The following TESMIN variants were observed in gnomAD, a reference collection of about 807,000 sequenced individuals.
The protein encoded by TESMIN is testis expressed metallothionein like protein.
In TESMIN, 34 loss-of-function variants were observed where a neutral mutation model predicts 47.4. The observed-to-expected ratio is 0.72, with a 90% CI of 0.55 to 0.96. The LOEUF (loss-of-function observed/expected upper bound fraction) is 0.96. Among genes scored for constraint, TESMIN ranks in the 40% least tolerant of loss-of-function variants. The pLI, the probability that TESMIN is intolerant of heterozygous loss-of-function variation, is 0.00. For synonymous variants in TESMIN, 278 were observed against 258.9 expected (o/e 1.07, Z -0.71); for missense variants, 610 against 637.2 (o/e 0.96, Z 0.46).
At chr11:68,711,793 T>A (rs574997879) in intron 8 of TESMIN, among the ~76,000 whole-genome samples, 13 of 152,264 alleles carry the variant, frequency 8.5e-5, no homozygotes, top group African/African-American at 2.6e-4. Context: ...TCCTGCTGCC[T>A]TGTGGGTGGA....
intron 5 of TESMIN, among the ~76,000 whole-genome samples, chr11:68,741,567 G>A (rs1946456867): frequency 6.6e-6 from 1 of 152,206 alleles, no homozygotes; most frequent in Non-Finnish European, 1.5e-5. Context: ...GGAGGGCGGA[G>A]TTGTGTGTTT....
intron 7 of TESMIN, among the ~76,000 whole-genome samples, chr11:68,714,231 C>G (rs1316773356): frequency 6.6e-6 from 1 of 152,208 alleles, no homozygotes; most frequent in Admixed American, 6.5e-5. Flanking sequence ...ACAGGGCCAT[C>G]GCTACAGAAT....
At chr11:68,710,644 G>T in intron 9 of TESMIN, 1 of 501,406 alleles carries the variant, frequency 2.0e-6, no homozygotes, top group Non-Finnish European at 3.5e-6. Flanking sequence ...CAGACAGTGA[G>T]GATGAGAAGA....
At chr11:68,732,248 T>TAC (rs1052638373) in intron 6 of TESMIN, among the ~76,000 whole-genome samples, 1 of 152,214 alleles carries the variant, frequency 6.6e-6, no homozygotes, top group Non-Finnish European at 1.5e-5. Context: ...CTCGTGATGG[T>TAC]ACATTCTTTC....
At chr11:68,746,503 G>A (rs1946521831) in intron 3 of TESMIN, among the ~76,000 whole-genome samples, 1 of 152,156 alleles carries the variant, frequency 6.6e-6, no homozygotes, top group South Asian at 2.1e-4. Context: ...TACAGCAAGG[G>A]CCTCATTTCT....
intron 6 of TESMIN, chr11:68,736,166 T>C: frequency 9.1e-6 from 9 of 985,324 alleles, no homozygotes; most frequent in Non-Finnish European, 1.1e-5. Context: ...ATGTTCATTA[T>C]GTTACTAAAA....
At chr11:68,705,747 G>A (rs534808423), downstream of TESMIN, among the ~76,000 whole-genome samples, 7 of 152,312 alleles carry the variant, frequency 4.6e-5, no homozygotes, top group South Asian at 1.5e-3. Context: ...TTAAGGCTGG[G>A]CGCGGTGGCT....
At chr11:68,737,033 G>A (rs910873764) in intron 6 of TESMIN, 16 of 985,292 alleles carry the variant, frequency 1.6e-5, no homozygotes, top group Non-Finnish European at 1.9e-5. Flanking sequence ...ATACAGCACA[G>A]AGGCAATACT....
At chr11:68,749,861 A>G (rs1430485018) in intron 2 of TESMIN, among the ~76,000 whole-genome samples, 1 of 152,202 alleles carries the variant, frequency 6.6e-6, no homozygotes, top group Non-Finnish European at 1.5e-5. Flanking sequence ...TCCTTAAGCC[A>G]AGGATAGCAA....
At chr11:68,726,033 G>A (rs1390842183) in intron 6 of TESMIN, among the ~76,000 whole-genome samples, 1 of 152,094 alleles carries the variant, frequency 6.6e-6, no homozygotes, top group Admixed American at 6.6e-5. Context: ...GGAGAAAGGG[G>A]GAACTATGGC....
rs1946093066 is a variant in TESMIN at position 68,713,195 on chromosome 11, T to G, written c.1158+75A>C. On this transcript the variant is annotated intron_variant, in intron 8 of 9. Transcript: ENST00000255087. Reference sequence around the variant, plus strand: ...TTTATCTTTTTAAATTACAGCAAAGTTTTTTTAACCACAAAAGTTACTCAA... The same window carrying G: ...TTTATCTTTTTAAATTACAGCAAAGGTTTTTTAACCACAAAAGTTACTCAA... The G allele has an allele frequency of 5.6e-6, 8 of 1,439,556 alleles. No homozygotes were observed. The South Asian group carries it at 1.2e-4, about 21-fold the overall frequency. The allele number at this position is 1,439,556 out of a possible 1,614,324, so 89.2% of individuals were successfully genotyped here.
chr11:68,723,785 A>G (rs1946230043), intron 6 of TESMIN, among the ~76,000 whole-genome samples: 1 of 152,192 alleles, frequency 6.6e-6, no homozygotes, highest in African/African-American at 2.4e-5. Flanking sequence ...TTGAGGATTC[A>G]ATACTTTTTA....
At chr11:68,728,599 TAGA>T (rs1423758024) in intron 6 of TESMIN, among the ~76,000 whole-genome samples, 1 of 152,086 alleles carries the variant, frequency 6.6e-6, no homozygotes, top group Non-Finnish European at 1.5e-5. Flanking sequence ...AGCCTTCTAC[TAGA>T]AGAAGATGCC....
intron 6 of TESMIN, among the ~76,000 whole-genome samples, chr11:68,719,688 T>C (rs1946182568): frequency 1.3e-5 from 2 of 152,240 alleles, no homozygotes; most frequent in African/African-American, 4.8e-5. Flanking sequence ...TATGTGGCTC[T>C]CTAAATTATA....
chr11:68,740,789 C>G (rs1417761351), intron 5 of TESMIN, among the ~76,000 whole-genome samples: 1 of 152,188 alleles, frequency 6.6e-6, no homozygotes, highest in African/African-American at 2.4e-5. Flanking sequence ...TCAACGCCAT[C>G]TATACACTAG....
intron 4 of TESMIN, among the ~76,000 whole-genome samples, chr11:68,744,060 C>T (rs1410000943): frequency 6.6e-6 from 1 of 152,176 alleles, no homozygotes; most frequent in Non-Finnish European, 1.5e-5. Context: ...GCCAAAGCTC[C>T]AACCTCAGCT....
At chr11:68,726,214 T>A (rs1946261965) in intron 6 of TESMIN, among the ~76,000 whole-genome samples, 1 of 152,088 alleles carries the variant, frequency 6.6e-6, no homozygotes, top group African/African-American at 2.4e-5. Flanking sequence ...TGGGAACAAA[T>A]GCCCTGAAAA....
chr11:68,742,268 A>C (rs747391825), intron 5 of TESMIN, 50 bp downstream of exon 5: 13 of 1,123,838 alleles, frequency 1.2e-5, no homozygotes, highest in Non-Finnish European at 7.7e-6. Context: ...TCAAAATTTT[A>C]AGAGACAATA....
In TESMIN at chr11:68,713,375, C is replaced by T; in HGVS notation, c.1053G>A (p.Gln351=). 2 of 1,614,160 alleles carry T rather than the reference C, an allele frequency of 1.2e-6. No homozygotes were observed. Among genetic ancestry groups the T allele is most frequent in the Non-Finnish European group, 1.7e-6 (2 of 1,180,032 alleles). The change falls in exon 8 of 10, where the codon CAG becomes CAA. Residue 351 remains glutamine, a synonymous_variant. Transcript: ENST00000255087. ...CCAATTGGCCCTTCCCAATTTTTGG[C>T]TGGAAAGCTTCTGGATTTCTACCAA... ...ACLGRNPEAF[Q]PKIGKGQLGN...
Sources: allele counts gnomAD v4.1 joint callset (sites outside exome capture counted in the v4.1 genomes callset), GRCh38; gene constraint gnomAD v4.1.1; transcripts MANE v1.5; gene names NCBI Gene and HGNC (gene_info 2026-07-23, HGNC 2026-07-21).